Variants in SPPL3 observed in about 807,000 individuals in gnomAD.
The protein encoded by SPPL3 is signal peptide peptidase like 3.
SPPL3 carries 5 observed loss-of-function variants against 42.4 expected under a neutral mutation model. That is an observed-to-expected ratio of 0.12 (90% CI 0.06 to 0.25). The LOEUF is 0.25. SPPL3 is among the 10% of genes least tolerant of loss of function. The pLI is 1.00. For missense variants in SPPL3, 235 were observed against 489.0 expected (o/e 0.48, Z 4.90); for synonymous variants, 195 against 181.8 (o/e 1.07, Z -0.58).
intron 1 of SPPL3, among the ~76,000 whole-genome samples, chr12:120,896,245 C>T (rs1593016463): frequency 6.6e-6 from 1 of 152,128 alleles, no homozygotes; most frequent in Non-Finnish European, 1.5e-5. Context: ...TCAACCTAGT[C>T]GTTCCACAAC....
intron 1 of SPPL3, among the ~76,000 whole-genome samples, chr12:120,840,546 CAACT>C (rs1871784027): frequency 6.6e-6 from 1 of 151,866 alleles, no homozygotes; most frequent in Non-Finnish European, 1.5e-5. Flanking sequence ...GATGATTGCA[CAACT>C]AAAAACCAGA....
At chr12:120,876,548 C>T (rs1284867707) in intron 1 of SPPL3, among the ~76,000 whole-genome samples, 1 of 136,948 alleles carries the variant, frequency 7.3e-6, no homozygotes, top group Non-Finnish European at 1.5e-5. Context: ...ACCTGGGAGG[C>T]AGAGCTTGCA....
intron 6 of SPPL3, among the ~76,000 whole-genome samples, chr12:120,777,056 T>C (rs906176245): frequency 6.6e-5 from 10 of 152,214 alleles, no homozygotes; most frequent in Admixed American, 5.9e-4. Flanking sequence ...CCTCTCAATC[T>C]GTCATTTAAA....
rs958034891 is a variant in SPPL3, at chr12:120,850,476, T to A, written c.24-39590A>T. On this transcript the variant is annotated intron_variant, in intron 1 of 10. Coordinates refer to ENST00000353487, the MANE Select transcript of SPPL3 (RefSeq NM_139015.5). ...GAGTTCAAGACCAGCCTGGACAACA[T>A]AGTGAGACCAGCCTTTAAAAAAAAA... Among the ~76,000 whole-genome samples, 65 of 119,240 alleles carry A rather than the reference T, an allele frequency of 5.5e-4. 1 individual carries two copies. The highest frequency in any genetic ancestry group is 1.3e-4 in the Non-Finnish European group (8 of 60,558). 78.2% of individuals were successfully genotyped at this position (119,240 alleles called of 152,430 possible).
intron 4 of SPPL3, chr12:120,784,246 C>T: frequency 5.6e-6 from 2 of 357,060 alleles, no homozygotes; most frequent in East Asian, 5.4e-5. Flanking sequence ...TTGACGTCTC[C>T]AGCCTTTCTT....
rs1868819333 is a variant in SPPL3 at position 120,764,834 on chromosome 12, CCT to C, written c.*163_*164del. The C allele has an allele frequency of 1.4e-6, 1 of 725,466 alleles. No individual in the cohort carries two copies. Among genetic ancestry groups the C allele is most frequent in the African/African-American group, 1.8e-5 (1 of 55,722 alleles). 44.9% of individuals were successfully genotyped at this position (725,466 alleles called of 1,614,324 possible). On this transcript the variant is annotated 3_prime_UTR_variant, in exon 11 of 11. Coordinates refer to ENST00000353487, the MANE Select transcript of SPPL3 (RefSeq NM_139015.5). ...GAAGGAACCAAACAGGGCTCCAGCA[CCT>C]CTCTCCTGCAAACGAGCTCCCTTTA...
At chr12:120,841,999 A>C (rs1049718934) in intron 1 of SPPL3, among the ~76,000 whole-genome samples, 1 of 152,256 alleles carries the variant, frequency 6.6e-6, no homozygotes, top group African/African-American at 2.4e-5. Context: ...ATAAACTATT[A>C]CATCTAAAAC....
intron 1 of SPPL3, among the ~76,000 whole-genome samples, chr12:120,871,046 C>T (rs933295676): frequency 4.1e-5 from 6 of 146,494 alleles, no homozygotes; most frequent in African/African-American, 1.5e-4. Flanking sequence ...AGGAGAATCG[C>T]TTGAACCCAG....
At position 120,808,367 on chromosome 12, in the gene SPPL3, T is replaced by C. The variant is rs144722711; in HGVS notation, c.101+2442A>G. ...CTGGGATTACAGGTGAGAGGGACCA[T>C]GCCTGGCCAGTTTCCTCATTTGTAA... On this transcript the variant is annotated intron_variant, in intron 2 of 10. Transcript: ENST00000353487. Among the ~76,000 whole-genome samples, 758 of 152,280 alleles carry C rather than the reference T, an allele frequency of 5.0e-3. 8 individuals carry two copies. Among genetic ancestry groups the C allele is most frequent in the African/African-American group, 0.017 (707 of 41,546 alleles).
At chr12:120,825,497 T>C (rs1040877801) in intron 1 of SPPL3, among the ~76,000 whole-genome samples, 4 of 152,174 alleles carry the variant, frequency 2.6e-5, no homozygotes, top group Admixed American at 2.6e-4. Flanking sequence ...ATAAAGGTCA[T>C]GATCTTAACT....
At chr12:120,866,002 G>A (rs984025516) in intron 1 of SPPL3, among the ~76,000 whole-genome samples, 2 of 152,178 alleles carry the variant, frequency 1.3e-5, no homozygotes, top group African/African-American at 2.4e-5. Context: ...TGCTCCTTAT[G>A]AGAATCTAAT....
At chr12:120,878,574 G>A (rs1427098903) in intron 1 of SPPL3, among the ~76,000 whole-genome samples, 5 of 151,954 alleles carry the variant, frequency 3.3e-5, no homozygotes, top group Admixed American at 6.6e-5. Flanking sequence ...TAAATAATAC[G>A]CCCATAATAG....
chr12:120,767,708 TGGA>T, intron 8 of SPPL3, 115 bp from the exon 9 acceptor site: 8 of 1,015,684 alleles, frequency 7.9e-6, no homozygotes, highest in Non-Finnish European at 1.2e-5. Context: ...GCATGGCAGA[TGGA>T]AATCTCTTCT....
At chr12:120,810,947 G>A (rs747775965) in intron 1 of SPPL3, 61 bp from the exon 2 acceptor site, 3 of 1,227,000 alleles carry the variant, frequency 2.4e-6, no homozygotes, top group Non-Finnish European at 2.4e-6. Context: ...GGAGCTTACA[G>A]TCTAATGGAG....
chr12:120,841,101 G>C (rs1470129573), intron 1 of SPPL3, among the ~76,000 whole-genome samples: 1 of 152,024 alleles, frequency 6.6e-6, no homozygotes, highest in African/African-American at 2.4e-5. Flanking sequence ...TGAGACAGGT[G>C]GATCACCTGA....
intron 1 of SPPL3, among the ~76,000 whole-genome samples, chr12:120,859,359 C>T (rs1872558708): frequency 6.6e-6 from 1 of 152,066 alleles, no homozygotes; most frequent in Non-Finnish European, 1.5e-5. Flanking sequence ...CTGTACTGTG[C>T]TATGAGAGAA....
chr12:120,877,709 A>G (rs1317596767), intron 1 of SPPL3, among the ~76,000 whole-genome samples: 7 of 148,906 alleles, frequency 4.7e-5, no homozygotes, highest in African/African-American at 1.7e-4. Context: ...TGAACCTGGG[A>G]GGTGGAGGGT....
At chr12:120,786,593 A>G (rs149964508) in intron 3 of SPPL3, among the ~76,000 whole-genome samples, 57 of 152,304 alleles carry the variant, frequency 3.7e-4, no homozygotes, top group African/African-American at 1.3e-3. Flanking sequence ...TCAGTCTGCA[A>G]TTACATGCGA....
intron 7 of SPPL3, 90 bp from the exon 8 acceptor site, chr12:120,768,578 C>CAGAATGCTGTGACTGCAATGCTTT: frequency 7.2e-7 from 1 of 1,387,518 alleles, no homozygotes; most frequent in Non-Finnish European, 9.9e-7. Flanking sequence ...AGCAGAGTCT[C>CAGAATGCTGTGACTGCAATGCTTT]AGAATGCTGT....
Sources: allele counts gnomAD v4.1 joint callset (sites outside exome capture counted in the v4.1 genomes callset), GRCh38; gene constraint gnomAD v4.1.1; transcripts MANE v1.5; gene names NCBI Gene and HGNC (gene_info 2026-07-23, HGNC 2026-07-21).